ZFHX3: variants seen among roughly 807,000 people sequenced by gnomAD.
ZFHX3 encodes the protein zinc finger homeobox protein 3.
A neutral mutation model predicts 279.1 loss-of-function variants in ZFHX3; 42 were observed. That is an observed-to-expected ratio of 0.15 (90% CI 0.12 to 0.19). The LOEUF is 0.19. Among genes scored for constraint, ZFHX3 ranks in the 10% least tolerant of loss-of-function variants. ZFHX3 has a pLI of 1.00. For missense variants in ZFHX3, 4,981 were observed against 4,754.0 expected (o/e 1.05, Z -1.40); for synonymous variants, 2,293 against 1,957.8 (o/e 1.17, Z -4.52).
chr16:73,402,845 G>C (rs1388814526), intron 3 of ZFHX3, among the ~76,000 whole-genome samples: 1 of 152,010 alleles, frequency 6.6e-6, no homozygotes, highest in Non-Finnish European at 1.5e-5. Flanking sequence ...TTACCCTAAG[G>C]TACGGCAGAG....
chr16:73,368,069 C>T (rs904170774), intron 3 of ZFHX3, among the ~76,000 whole-genome samples: 2 of 152,056 alleles, frequency 1.3e-5, no homozygotes, highest in African/African-American at 4.8e-5. Context: ...CAGGGTTTCA[C>T]CACGTTGGCC....
intron 1 of ZFHX3, among the ~76,000 whole-genome samples, chr16:73,868,022 G>A (rs191645710): frequency 2.0e-3 from 301 of 152,246 alleles, no homozygotes; most frequent in Admixed American, 2.2e-3. Flanking sequence ...TCCAGCCCTC[G>A]GAGCTCCCTT....
At chr16:72,954,486 C>G (rs1231079542) in intron 2 of ZFHX3, among the ~76,000 whole-genome samples, 2 of 152,192 alleles carry the variant, frequency 1.3e-5, no homozygotes, top group African/African-American at 4.8e-5. Flanking sequence ...AACACTGGAA[C>G]TGACACCTTG....
intron 7 of ZFHX3, chr16:73,127,382 A>G: frequency 7.7e-7 from 1 of 1,305,458 alleles, no homozygotes; most frequent in Non-Finnish European, 1.0e-6. Context: ...AATGGCTGCT[A>G]ACTAAATATT....
intron 7 of ZFHX3, among the ~76,000 whole-genome samples, chr16:73,128,209 C>T (rs1040775514): frequency 2.0e-5 from 3 of 152,162 alleles, no homozygotes; most frequent in African/African-American, 7.2e-5. Context: ...CCTGTCTCTA[C>T]CAGTTGTTAC....
At chr16:73,881,231 C>T (rs57720514) in intron 1 of ZFHX3, among the ~76,000 whole-genome samples, 3,068 of 152,200 alleles carry the variant, frequency 0.02, 101 homozygotes, top group African/African-American at 0.069. Context: ...AACAAGGAAC[C>T]ATTTTCACAT....
intron 2 of ZFHX3, among the ~76,000 whole-genome samples, chr16:73,473,610 G>A (rs1451335866): frequency 6.6e-6 from 1 of 152,144 alleles, no homozygotes; most frequent in African/African-American, 2.4e-5. Context: ...GAATTGGGTG[G>A]GTTCCTGCTT....
intron 3 of ZFHX3, among the ~76,000 whole-genome samples, chr16:73,427,901 T>G (rs1181132230): frequency 1.3e-5 from 2 of 151,842 alleles, no homozygotes; most frequent in East Asian, 3.9e-4. Context: ...CAAGATTGTG[T>G]CACTACACTC....
intron 1 of ZFHX3, chr16:73,891,627 A>C (rs980689617): frequency 6.6e-6 from 1 of 152,222 alleles, no homozygotes; most frequent in Non-Finnish European, 1.5e-5. Context: ...AGAAGAAAAG[A>C]AAAGCTGTCC....
At chr16:73,544,504 C>T (rs1224381687) in intron 2 of ZFHX3, among the ~76,000 whole-genome samples, 1 of 152,148 alleles carries the variant, frequency 6.6e-6, no homozygotes, top group Non-Finnish European at 1.5e-5. Flanking sequence ...ACTCGTTTCC[C>T]TCCACGGGTT....
At chr16:73,809,120 G>A (rs1286868783) in intron 1 of ZFHX3, 1 of 152,244 alleles carries the variant, frequency 6.6e-6, no homozygotes. Context: ...GCAGATTCCT[G>A]CTCTCCTTTG....
intron 1 of ZFHX3, among the ~76,000 whole-genome samples, chr16:73,810,040 G>A (rs373392687): frequency 1.3e-3 from 202 of 152,222 alleles, no homozygotes; most frequent in African/African-American, 4.8e-3. Context: ...TGTGAACGTT[G>A]GTCACATGTA....
intron 4 of ZFHX3, among the ~76,000 whole-genome samples, chr16:73,285,429 T>C (rs28625043): frequency 1.9e-3 from 294 of 152,322 alleles, no homozygotes; most frequent in African/African-American, 6.3e-3. Context: ...AAGGGTGTCG[T>C]CAGCTGACAA....
chr16:73,515,030 A>G (rs1248194567), intron 2 of ZFHX3, among the ~76,000 whole-genome samples: 2 of 152,228 alleles, frequency 1.3e-5, no homozygotes, highest in African/African-American at 2.4e-5. Context: ...TGAGAAATAA[A>G]GAAATAAAAA....
intron 2 of ZFHX3, among the ~76,000 whole-genome samples, chr16:73,658,252 A>T (rs1457786659): frequency 1.3e-5 from 2 of 152,190 alleles, no homozygotes; most frequent in Admixed American, 1.3e-4. Context: ...AATGTTTCTC[A>T]TTTATTGAGA....
intron 2 of ZFHX3, among the ~76,000 whole-genome samples, chr16:73,530,583 T>C (rs1168253637): frequency 6.6e-6 from 1 of 152,194 alleles, no homozygotes; most frequent in Non-Finnish European, 1.5e-5. Flanking sequence ...AAGGGGTCTG[T>C]GGACCCCTTT....
chr16:72,914,796 G>C (rs913677395), intron 3 of ZFHX3, among the ~76,000 whole-genome samples: 2 of 152,090 alleles, frequency 1.3e-5, no homozygotes, highest in Admixed American at 1.3e-4. Flanking sequence ...TTTGAGACAA[G>C]CTTGGCCAAT....
intron 2 of ZFHX3, among the ~76,000 whole-genome samples, chr16:73,633,347 A>G (rs1471511052): frequency 6.6e-6 from 1 of 152,206 alleles, no homozygotes; most frequent in East Asian, 1.9e-4. Context: ...CACCATAGAA[A>G]TTCTAATTAA....
chr16:73,193,093 G>A (rs1018717985), intron 5 of ZFHX3, among the ~76,000 whole-genome samples: 1 of 152,224 alleles, frequency 6.6e-6, no homozygotes, highest in Non-Finnish European at 1.5e-5. Context: ...GCCCTCTGCA[G>A]GAAAGGTGGA....
Sources: gnomAD v4.1 joint callset for allele counts (sites outside exome capture counted in the v4.1 genomes callset) on GRCh38, gnomAD v4.1.1 for gene constraint, MANE v1.5 for transcripts, NCBI Gene and HGNC (gene_info 2026-07-23, HGNC 2026-07-21) for gene names.